Variants in ALG13 observed in about 807,000 individuals in gnomAD.
ALG13 encodes the protein UDP-N-acetylglucosamine transferase subunit ALG13.
In ALG13, 11 loss-of-function variants were observed where a neutral mutation model predicts 87.8. The observed-to-expected ratio is 0.13, with a 90% CI of 0.08 to 0.21. The LOEUF (loss-of-function observed/expected upper bound fraction) is 0.21. ALG13 is among the 10% of genes least tolerant of loss of function. The pLI is 1.00. For missense variants in ALG13, 756 were observed against 866.1 expected (o/e 0.87, Z 1.60); for synonymous variants, 320 against 306.3 (o/e 1.04, Z -0.47).
intron 24 of ALG13, among the ~76,000 whole-genome samples, chrX:111,748,052 C>T (rs141405196): frequency 1.1e-3 from 125 of 112,061 alleles, no homozygotes; most frequent in African/African-American, 3.8e-3. Flanking sequence ...TGAAATCCGA[C>T]GTAGAGCATC....
rs73542496 is a variant in ALG13, at chrX:111,691,048, A to G, written c.383+5945A>G. Among the ~76,000 whole-genome samples, 387 of 111,321 alleles carry G rather than the reference A, an allele frequency of 3.5e-3. 4 individuals are homozygous for G. Among genetic ancestry groups the G allele is most frequent in the African/African-American group, 0.011 (351 of 30,642 alleles). ...GAAACATTTGGAAAGGGTCATCATGATAGCCATGTGGTGATCAATTTTCTG... is the reference window on the plus strand; with the variant it reads ...GAAACATTTGGAAAGGGTCATCATGGTAGCCATGTGGTGATCAATTTTCTG... On this transcript the variant is annotated intron_variant, in intron 3 of 26. Coordinates refer to ENST00000394780, the MANE Select transcript of ALG13 (RefSeq NM_001099922.3).
chrX:111,709,936 G>A (rs1223481325), intron 5 of ALG13, among the ~76,000 whole-genome samples: 3 of 111,245 alleles, frequency 2.7e-5, no homozygotes, highest in African/African-American at 9.8e-5. Flanking sequence ...AAAGCAGTGC[G>A]TCTCAAGTAT....
intron 3 of ALG13, among the ~76,000 whole-genome samples, chrX:111,695,523 A>T (rs748596872): frequency 1.7e-4 from 17 of 99,181 alleles, no homozygotes; most frequent in Non-Finnish European, 3.3e-4. Flanking sequence ...AACTCTGTTT[A>T]AAAAAAAAAA....
At chrX:111,743,093 T>A (rs1033430678) in intron 23 of ALG13, among the ~76,000 whole-genome samples, 1 of 112,107 alleles carries the variant, frequency 8.9e-6, no homozygotes, top group Non-Finnish European at 1.9e-5. Context: ...CTACTCTTGA[T>A]TCTTTCAGGC....
chrX:111,710,109 A>G (rs1369927619), intron 5 of ALG13, among the ~76,000 whole-genome samples: 1 of 107,503 alleles, frequency 9.3e-6, no homozygotes, highest in Admixed American at 1.0e-4. Flanking sequence ...GGCTCGCTGC[A>G]GCCTCTGCCT....
At chrX:111,698,681 A>C (rs1231205670) in intron 3 of ALG13, among the ~76,000 whole-genome samples, 1 of 111,909 alleles carries the variant, frequency 8.9e-6, no homozygotes, top group Non-Finnish European at 1.9e-5. Context: ...TGTTGTCACA[A>C]ATGACAGAAT....
At chrX:111,690,385 C>T (rs748252585) in intron 3 of ALG13, 2 of 752,842 alleles carry the variant, frequency 2.7e-6, no homozygotes, top group Non-Finnish European at 3.1e-6. Flanking sequence ...AGAACATTTA[C>T]GGGTTGGAGT....
intron 1 of ALG13, chrX:111,681,529 C>T (rs1452575872): frequency 2.3e-5 from 22 of 976,665 alleles, no homozygotes; most frequent in Non-Finnish European, 2.7e-5. Context: ...ATTCCGGCCG[C>T]TCCTCTCCCT....
At chrX:111,740,816 T>C (rs977390363) in intron 23 of ALG13, among the ~76,000 whole-genome samples, 5 of 112,044 alleles carry the variant, frequency 4.5e-5, no homozygotes, top group African/African-American at 1.6e-4. Context: ...TTGCTTACTT[T>C]AAGAGGATGA....
chrX:111,717,182 C>G (rs1006673993), intron 8 of ALG13, among the ~76,000 whole-genome samples: 4 of 110,561 alleles, frequency 3.6e-5, no homozygotes, highest in Admixed American at 9.7e-5. Context: ...AACATTTTGA[C>G]TGAAAAAATT....
chrX:111,726,916 C>A lies in ALG13; in HGVS notation c.1837C>A (p.Pro613Thr). 1 of 1,211,707 alleles carries A rather than the reference C, an allele frequency of 8.3e-7. No individual in the cohort carries two copies. The highest frequency in any genetic ancestry group is 1.7e-5 in the African/African-American group (1 of 57,796). ...CGGCAAGGGAGACCCCCTCCTCCCACCCAGGCTGCAGCACAGTATGCATTA... is the reference window on the plus strand; with the variant it reads ...CGGCAAGGGAGACCCCCTCCTCCCAACCAGGCTGCAGCACAGTATGCATTA... ...AYGKGDPLLP[P>T]RLQHSMHYGH... The change falls in exon 16 of 27, where the codon CCC becomes ACC. Residue 613 changes from proline to threonine, a missense_variant. By Grantham distance (38) the Pro-to-Thr change is conservative. Around this residue, in one of 9 missense-constraint regions of ALG13, gnomAD observed 362 missense variants for 383.5 expected, o/e 0.94. Coordinates refer to ENST00000394780, the MANE Select transcript of ALG13 (RefSeq NM_001099922.3).
intron 3 of ALG13, among the ~76,000 whole-genome samples, chrX:111,705,813 C>T (rs1288689064): frequency 9.0e-6 from 1 of 110,746 alleles, no homozygotes; most frequent in African/African-American, 3.3e-5. Flanking sequence ...TTTTCTCTTG[C>T]TCTGTCTCCT....
intron 12 of ALG13, 95 bp from the exon 13 acceptor site, chrX:111,722,698 G>A: frequency 1.7e-6 from 1 of 597,808 alleles, no homozygotes; most frequent in Non-Finnish European, 2.7e-6. Context: ...TGGTAGCGTT[G>A]TCAAAGGCAC....
chrX:111,750,033 T>TA (rs776567806), intron 24 of ALG13, among the ~76,000 whole-genome samples: 35 of 111,824 alleles, frequency 3.1e-4, no homozygotes, highest in Non-Finnish European at 5.3e-4. Context: ...ACAGACTAAG[T>TA]ATGGCATTTA....
At chrX:111,726,722 A>G in intron 15 of ALG13, 87 bp from the exon 16 acceptor site, 2 of 1,040,220 alleles carry the variant, frequency 1.9e-6, no homozygotes, top group Non-Finnish European at 2.6e-6. Flanking sequence ...AGCATTGGAA[A>G]GTTTAAGGCA....
rs1447542324 is a variant in ALG13 at position 111,728,191 on chromosome X, G to C, written c.2254G>C (p.Gly752Arg). Residue 752 changes from glycine to arginine, a missense_variant, in exon 19 of 27, where the codon GGA (glycine) becomes CGA (arginine). Physicochemically the swap from Gly to Arg is moderately radical, Grantham distance 125. Transcript: ENST00000394780. Reference sequence around the variant, plus strand: ...GTGTGTCTCTCTGATACAGAATCATGGAGGTCCCTCTACAATGGTTCCTGC... The same window carrying C: ...GTGTGTCTCTCTGATACAGAATCATCGAGGTCCCTCTACAATGGTTCCTGC... ...ETAYPTLPNH[G>R]GPSTMVPATS... 1 of 1,211,059 alleles carries C rather than the reference G, an allele frequency of 8.3e-7. No individual in the cohort carries two copies.
In ALG13 at chrX:111,726,842, A is replaced by T; in HGVS notation, c.1763A>T (p.Lys588Met). Reference protein sequence around the residue: ...ISEMDIKQQKKMFKKIRGKEV... With the variant: ...ISEMDIKQQKMMFKKIRGKEV... ...GAGATGGACATAAAGCAACAGAAGAAGATGTTCAAGAAAATTCGAGGGAAA... is the reference window on the plus strand; with the variant it reads ...GAGATGGACATAAAGCAACAGAAGATGATGTTCAAGAAAATTCGAGGGAAA... Residue 588 changes from lysine to methionine, a missense_variant, in exon 16 of 27, where the codon AAG becomes ATG. Physicochemically the swap from Lys to Met is moderately conservative, Grantham distance 95. Coordinates refer to ENST00000394780, the MANE Select transcript of ALG13 (RefSeq NM_001099922.3). 2.5e-6 allele frequency: 3 copies of T among 1,210,983 alleles called. No individual in the cohort carries two copies. The highest frequency in any genetic ancestry group is 3.4e-6 in the Non-Finnish European group (3 of 895,038).
intron 2 of ALG13, among the ~76,000 whole-genome samples, chrX:111,683,959 T>C (rs769457421): frequency 6.7e-4 from 75 of 111,642 alleles, no homozygotes; most frequent in African/African-American, 2.4e-3. Context: ...ATGTCAAACC[T>C]GGATCTTATT....
chrX:111,759,775 G>A lies in ALG13; in HGVS notation c.3190G>A (p.Ala1064Thr), dbSNP rs756710193. The change falls in exon 27 of 27, where the codon GCA becomes ACA. Residue 1064 changes from alanine to threonine, a missense_variant. Physicochemically the swap from Ala to Thr is moderately conservative, Grantham distance 58. Around this residue, in one of 9 missense-constraint regions of ALG13, gnomAD observed 110 missense variants for 104.9 expected, o/e 1.05. Coordinates refer to ENST00000394780, the MANE Select transcript of ALG13 (RefSeq NM_001099922.3). ...TGATTCTTCATCTGTCCCTCATGGA[G>A]CAGTCTATTATCCAGTAATGTCAGA... ...NADSSSVPHG[A>T]VYYPVMSDPY... The A allele has an allele frequency of 3.3e-6, 4 of 1,206,543 alleles. No homozygotes were observed. In the Admixed American group the frequency reaches 8.8e-5, roughly 27 times the overall value.
Sources: allele counts gnomAD v4.1 joint callset (sites outside exome capture counted in the v4.1 genomes callset), GRCh38; gene constraint gnomAD v4.1.1; regional missense constraint gnomAD v4.1.1; transcripts MANE v1.5; gene names NCBI Gene and HGNC (gene_info 2026-07-23, HGNC 2026-07-21).